Variants in SERPINB4 observed in about 807,000 individuals in gnomAD.
SERPINB4 encodes serpin family B member 4, also known as serpin B4.
A neutral mutation model predicts 33.2 loss-of-function variants in SERPINB4; 39 were observed. The observed-to-expected ratio is 1.18, with a 90% CI of 0.91 to 1.53. SERPINB4 has a LOEUF of 1.53. Ranked by LOEUF, SERPINB4 falls within the 40% of genes most tolerant of loss-of-function variation. The probability of loss-of-function intolerance (pLI) is 0.00; values close to 1 mark genes in which losing one functional copy is unlikely to be tolerated. For synonymous variants in SERPINB4, 191 were observed against 166.4 expected (o/e 1.15, Z -1.14); for missense variants, 564 against 455.4 (o/e 1.24, Z -2.17).
At chr18:63,639,606 CA>C (rs1913056237) in intron 6 of SERPINB4, 27 bp downstream of exon 6, 1 of 1,385,400 alleles carries the variant, frequency 7.2e-7, no homozygotes, top group East Asian at 2.3e-5. Context: ...TAACATATTA[CA>C]CTATATAAAT....
intron 7 of SERPINB4, 127 bp downstream of exon 7, chr18:63,639,058 C>A: frequency 9.0e-7 from 1 of 1,116,126 alleles, no homozygotes; most frequent in East Asian, 2.5e-5. Context: ...GGTGAGTCAT[C>A]ATTCCTCATT....
chr18:63,639,358 G>A lies in SERPINB4; in HGVS notation c.613-18C>T, dbSNP rs934936314. ...TATGTATTCTGCAATAAATCAATGTGTCCAACAAATAACACGTGAAACACA... is the reference window on the plus strand; with the variant it reads ...TATGTATTCTGCAATAAATCAATGTATCCAACAAATAACACGTGAAACACA... On this transcript the variant is annotated intron_variant, in intron 6 of 7. Coordinates refer to ENST00000341074, the MANE Select transcript of SERPINB4 (RefSeq NM_002974.4). 15 of 1,587,098 alleles carry A rather than the reference G, an allele frequency of 9.5e-6. No homozygotes were observed. Among genetic ancestry groups the A allele is most frequent in the Non-Finnish European group, 1.3e-5 (15 of 1,161,932 alleles).
At chr18:63,641,081 G>C (rs1283878201) in intron 4 of SERPINB4, 90 bp from the exon 5 acceptor site, 2 of 1,060,076 alleles carry the variant, frequency 1.9e-6, no homozygotes, top group Non-Finnish European at 2.9e-6. Context: ...ACAGTAAGCT[G>C]AATCCAGACC....
At chr18:63,643,361 A>G (rs2144477049) in intron 2 of SERPINB4, 52 bp downstream of exon 2, 1 of 1,611,968 alleles carries the variant, frequency 6.2e-7, no homozygotes, top group East Asian at 2.2e-5. Context: ...GTGCTAGCCG[A>G]CGGAACCAGA....
chr18:63,638,322 G>A (rs952314257), intron 7 of SERPINB4, among the ~76,000 whole-genome samples, 199 bp from the exon 8 acceptor site: 1 of 151,886 alleles, frequency 6.6e-6, no homozygotes, highest in African/African-American at 2.4e-5. Context: ...ATGTGTATAT[G>A]TATATACATG....
chr18:63,642,357 T>C (rs966437643), intron 3 of SERPINB4, among the ~76,000 whole-genome samples: 3 of 152,132 alleles, frequency 2.0e-5, no homozygotes, highest in African/African-American at 7.2e-5. Context: ...GATCTGTGGC[T>C]CTTTCCTCAT....
chr18:63,643,072 T>G (rs1342554492), intron 3 of SERPINB4, 89 bp downstream of exon 3: 1 of 1,536,114 alleles, frequency 6.5e-7, no homozygotes, highest in Non-Finnish European at 9.0e-7. Context: ...TCCCTAAAAC[T>G]GGCCTTTTCT....
At chr18:63,639,118 T>C (rs1913036529) in intron 7 of SERPINB4, 67 bp downstream of exon 7, 1 of 1,492,662 alleles carries the variant, frequency 6.7e-7, no homozygotes, top group Non-Finnish European at 9.0e-7. Context: ...TTTTACCTTG[T>C]TTAAACTTGG....
chr18:63,641,054 C>G (rs1913113760), intron 4 of SERPINB4, 63 bp from the exon 5 acceptor site: 2 of 1,376,172 alleles, frequency 1.5e-6, no homozygotes, highest in Non-Finnish European at 2.1e-6. Context: ...TATTACCAAA[C>G]TTACTTATTT....
chr18:63,639,130 A>G (rs1043320532), intron 7 of SERPINB4, 55 bp downstream of exon 7: 17 of 1,525,580 alleles, frequency 1.1e-5, no homozygotes, highest in African/African-American at 4.1e-5. Flanking sequence ...TAAACTTGGT[A>G]TCTTTGGAAA....
chr18:63,644,158 A>G (rs1913233718), intron 1 of SERPINB4, 51 bp downstream of exon 1: 1 of 152,528 alleles, frequency 6.6e-6, no homozygotes, highest in African/African-American at 2.4e-5. Context: ...TATCATTATT[A>G]TTCTCAAAAA....
chr18:63,639,711 C>A lies in SERPINB4; in HGVS notation c.535G>T (p.Ala179Ser), dbSNP rs1395622867. ...GNDTTLVLVN[A>S]IYFKGQWENK... ...TCCCACTGCCCTTTGAAATAGATTG[C>A]GTTCACAAGAACCAGTGTCGTATCA... Residue 179 changes from alanine (A) to serine (S), a missense_variant, in exon 6 of 8, where the codon GCA becomes TCA. Coordinates refer to ENST00000341074, the MANE Select transcript of SERPINB4 (RefSeq NM_002974.4). 1 of 1,611,366 alleles carries A rather than the reference C, an allele frequency of 6.2e-7. No individual in the cohort carries two copies.
Position 63,638,030 on chromosome 18 carries a change from T to G in SERPINB4, c.862A>C (p.Lys288Gln). The change falls in exon 8 of 8, where the codon AAA (lysine) becomes CAA (glutamine). Residue 288 changes from lysine (K) to glutamine (Q), a missense_variant. By Grantham distance (53) the Lys-to-Gln change is moderately conservative (BLOSUM62 1). Coordinates refer to ENST00000341074, the MANE Select transcript of SERPINB4 (RefSeq NM_002974.4). Reference protein sequence around the residue: ...TCVDLHLPRFKMEESYDLKDT... With the variant: ...TCVDLHLPRFQMEESYDLKDT... ...TTGAGGTCATAGCTCTCTTCCATTT[T>G]GAACCGAGGTAAGTGTAAATCGACA... 6.2e-7 allele frequency: 1 copy of G among 1,613,664 alleles called. No homozygotes were observed. The highest frequency in any genetic ancestry group is 8.5e-7 in the Non-Finnish European group (1 of 1,179,756).
intron 7 of SERPINB4, 67 bp from the exon 8 acceptor site, chr18:63,638,190 T>A (rs1181307143): frequency 7.9e-6 from 12 of 1,526,798 alleles, no homozygotes; most frequent in Non-Finnish European, 1.1e-5. Context: ...TAACAATGAA[T>A]TGACTATGTG....
intron 6 of SERPINB4, 142 bp downstream of exon 6, chr18:63,639,492 A>C: frequency 9.8e-7 from 1 of 1,025,414 alleles, no homozygotes; most frequent in South Asian, 1.9e-5. Context: ...ATTCCTAACT[A>C]AATAAAGTTA....
rs751065723 is a variant in SERPINB4, at chr18:63,639,637, G to GT, written c.608dup (p.Asn203LysfsTer18). 1 of 1,591,364 alleles carries GT rather than the reference G, an allele frequency of 6.3e-7. No individual in the cohort carries two copies. Among genetic ancestry groups the GT allele is most frequent in the Admixed American group, 1.7e-5 (1 of 59,546 alleles). On this transcript the variant is annotated frameshift_variant, in exon 6 of 8. Transcript: ENST00000341074. LOFTEE classifies it high-confidence loss of function. ...ATAAATAAAATATAGACAATACCTT[G>GT]TTTGGCCAAAATTTTTCCTCTTTAG...
chr18:63,641,729 A>C (rs113000838), intron 4 of SERPINB4, 31 bp downstream of exon 4: 5 of 1,612,604 alleles, frequency 3.1e-6, no homozygotes, highest in East Asian at 4.5e-5. Flanking sequence ...TCAGGATGCA[A>C]ATGAAATGTG....
intron 7 of SERPINB4, among the ~76,000 whole-genome samples, chr18:63,638,382 G>A (rs1913011137): frequency 6.6e-6 from 1 of 151,916 alleles, no homozygotes; most frequent in Non-Finnish European, 1.5e-5. Context: ...GTGTACATAT[G>A]TATGTATACA....
In SERPINB4 at chr18:63,639,659, T is replaced by A; in HGVS notation, c.587A>T (p.Lys196Ile). The A allele has an allele frequency of 3.1e-6, 5 of 1,608,906 alleles. No individual in the cohort carries two copies. Among genetic ancestry groups the A allele is most frequent in the Middle Eastern group, 1.7e-4 (1 of 6,032 alleles). Residue 196 changes from lysine (K) to isoleucine (I), a missense_variant, in exon 6 of 8, where the codon AAA becomes ATA. By Grantham distance (102) the Lys-to-Ile change is moderately radical (BLOSUM62 -3). Coordinates refer to ENST00000341074, the MANE Select transcript of SERPINB4 (RefSeq NM_002974.4). ...CTTGTTTGGCCAAAATTTTTCCTCT[T>A]TAGTGTTTTCTTTTTTAAATTTATT... Reference protein sequence around the residue: ...WENKFKKENTKEEKFWPNKNT... With the variant: ...WENKFKKENTIEEKFWPNKNT...
Sources: gnomAD v4.1 joint callset for allele counts (sites outside exome capture counted in the v4.1 genomes callset) on GRCh38, gnomAD v4.1.1 for gene constraint, MANE v1.5 for transcripts, NCBI Gene and HGNC (gene_info 2026-07-23, HGNC 2026-07-21) for gene names.